PTBP2: variants seen among roughly 807,000 people sequenced by gnomAD.
PTBP2 encodes polypyrimidine tract binding protein 2.
PTBP2 carries 13 observed loss-of-function variants against 61.4 expected under a neutral mutation model. The ratio of observed to expected loss-of-function variants is 0.21; its 90% CI spans 0.14 to 0.34. The LOEUF (loss-of-function observed/expected upper bound fraction) is 0.34, where lower values mean the gene tolerates loss of function less well. Among genes scored for constraint, PTBP2 ranks in the 10% least tolerant of loss-of-function variants. The pLI, the probability that PTBP2 is intolerant of heterozygous loss-of-function variation, is 1.00. For missense variants in PTBP2, 405 were observed against 642.6 expected (o/e 0.63, Z 4.00); for synonymous variants, 215 against 218.5 (o/e 0.98, Z 0.14).
chr1:96,768,510 T>C (rs1657007399), intron 3 of PTBP2, among the ~76,000 whole-genome samples: 1 of 152,048 alleles, frequency 6.6e-6, no homozygotes, highest in Admixed American at 6.6e-5. Flanking sequence ...GTCAAGATCC[T>C]TCATTTTAGC....
At position 96,721,860 on chromosome 1, in the gene PTBP2, C is replaced by G. The variant is rs963306477; in HGVS notation, c.-5C>G. The G allele has an allele frequency of 3.8e-6, 6 of 1,572,240 alleles. No homozygotes were observed. In the South Asian group the frequency reaches 5.8e-5, roughly 15 times the overall value. The stretch of plus-strand genomic sequence containing the variant: ...CTTGTGAGCGAAGCTTTGTCCGGTT[C>G]GGCAATGGACGGGTATGTAATCGGG... On this transcript the variant is annotated 5_prime_UTR_variant, in exon 1 of 14. Coordinates refer to ENST00000674951, the MANE Select transcript of PTBP2 (RefSeq NM_021190.4).
intron 3 of PTBP2, among the ~76,000 whole-genome samples, chr1:96,758,898 A>G (rs1655466454): frequency 6.6e-6 from 1 of 152,186 alleles, no homozygotes; most frequent in African/African-American, 2.4e-5. Flanking sequence ...TTTAAAGTAG[A>G]AGACCTGAAG....
At chr1:96,762,660 C>T (rs187227494) in intron 3 of PTBP2, among the ~76,000 whole-genome samples, 152 of 144,992 alleles carry the variant, frequency 1.0e-3, no homozygotes, top group African/African-American at 3.4e-3. Flanking sequence ...GGCGGCTGGC[C>T]GGGCGGGGGT....
At chr1:96,739,618 G>GGTTTTTTTTTTTTTT (rs1232683663) in intron 2 of PTBP2, among the ~76,000 whole-genome samples, 1 of 83,802 alleles carries the variant, frequency 1.2e-5, no homozygotes, top group Non-Finnish European at 2.2e-5. Context: ...ACTGGTGTGT[G>GGTTTTTTTTTTTTTT]TTTTTTTTTT....
At chr1:96,790,477 G>T (rs1659678844) in intron 8 of PTBP2, among the ~76,000 whole-genome samples, 1 of 151,980 alleles carries the variant, frequency 6.6e-6, no homozygotes, top group African/African-American at 2.4e-5. Flanking sequence ...AATTTCACTA[G>T]TGGGTTGCAA....
At chr1:96,823,398 T>C (rs2101330760) in exon 14 of PTBP2, 1 of 152,330 alleles carries the variant, frequency 6.6e-6, no homozygotes, top group East Asian at 1.9e-4. Context: ...TGAGAATCAC[T>C]AAGATACAAT....
intron 2 of PTBP2, among the ~76,000 whole-genome samples, chr1:96,747,300 AG>A (rs1235787450): frequency 6.6e-6 from 1 of 152,142 alleles, no homozygotes. Context: ...AACAGTTTTT[AG>A]CTTTTCAACT....
intron 8 of PTBP2, among the ~76,000 whole-genome samples, chr1:96,787,728 A>G (rs538445089): frequency 1.3e-5 from 2 of 152,260 alleles, no homozygotes; most frequent in South Asian, 2.1e-4. Flanking sequence ...GTATTTGCAG[A>G]TTTGCATTAT....
At chr1:96,745,817 A>T (rs541340257) in intron 2 of PTBP2, among the ~76,000 whole-genome samples, 4 of 152,110 alleles carry the variant, frequency 2.6e-5, no homozygotes, top group Non-Finnish European at 5.9e-5. Flanking sequence ...TTGTAATCCC[A>T]GCACTTTGGG....
chr1:96,761,346 A>ATGTGTGTGTGTGTGTG lies in PTBP2; in HGVS notation c.116-8329_116-8314dup, dbSNP rs57451223. ...AGCAGGGGCCTAGATGTGGGATTTG[A>ATGTGTGTGTGTGTGTG]TGTGTGTGTGTGTGTGTGTGTGTGT... On this transcript the variant is annotated intron_variant, in intron 3 of 13. Coordinates refer to ENST00000674951, the MANE Select transcript of PTBP2 (RefSeq NM_021190.4). Among the ~76,000 whole-genome samples, 365 of 140,562 alleles carry ATGTGTGTGTGTGTGTG rather than the reference A, an allele frequency of 2.6e-3. 1 individual carries two copies. The highest frequency in any genetic ancestry group is 8.9e-3 in the African/African-American group (337 of 37,956). 92.2% of individuals were successfully genotyped at this position (140,562 alleles called of 152,430 possible).
intron 2 of PTBP2, among the ~76,000 whole-genome samples, chr1:96,746,077 A>C (rs897717859): frequency 9.2e-5 from 14 of 151,924 alleles, no homozygotes; most frequent in African/African-American, 2.9e-4. Context: ...AAAACAAACA[A>C]AAAAAAACAA....
At chr1:96,812,396 A>C (rs1011409900) in intron 11 of PTBP2, among the ~76,000 whole-genome samples, 1 of 152,192 alleles carries the variant, frequency 6.6e-6, no homozygotes, top group African/African-American at 2.4e-5. Context: ...AACAGAAGGG[A>C]GAAAAAGAGC....
rs1326389396 is a variant in PTBP2, at chr1:96,813,507, TG to T, written c.*103del. On this transcript the variant is annotated 3_prime_UTR_variant, in exon 14 of 14. Transcript: ENST00000674951. Reference sequence around the variant, plus strand: ...ACCAGAGTTTGATTTTTTTTGTTTTTGTTTTTTTGGGGTTTCTTTTTTTTTT... The same window carrying T: ...ACCAGAGTTTGATTTTTTTTGTTTTTTTTTTTTGGGGTTTCTTTTTTTTTT... The T allele has an allele frequency of 8.1e-7, 1 of 1,235,312 alleles. No individual in the cohort carries two copies. Among genetic ancestry groups the T allele is most frequent in the Non-Finnish European group, 1.1e-6 (1 of 927,940 alleles). 76.5% of individuals were successfully genotyped at this position (1,235,312 alleles called of 1,614,324 possible).
At chr1:96,792,005 T>A (rs1659893166) in intron 8 of PTBP2, among the ~76,000 whole-genome samples, 1 of 151,790 alleles carries the variant, frequency 6.6e-6, no homozygotes, top group Non-Finnish European at 1.5e-5. Context: ...AGCTAATTTC[T>A]TCATATTTTT....
At chr1:96,804,154 G>T (rs1661286332) in intron 8 of PTBP2, among the ~76,000 whole-genome samples, 1 of 152,186 alleles carries the variant, frequency 6.6e-6, no homozygotes, top group Non-Finnish European at 1.5e-5. Flanking sequence ...GTTGTATAGT[G>T]ATGGTTTCTT....
Position 96,764,951 on chromosome 1 carries a change from G to A in PTBP2, c.116-4752G>A, listed in dbSNP as rs563578088. Among the ~76,000 whole-genome samples, 11 of 152,228 alleles carry A rather than the reference G, an allele frequency of 7.2e-5. 1 individual carries two copies. In the South Asian group the frequency reaches 1.7e-3, roughly 23 times the overall value. ...ACAAGAGTTAATAGTTACCTTTTAC[G>A]GAAACCTGGTGAGGCTTTTTGCGTG... On this transcript the variant is annotated intron_variant, in intron 3 of 13. Coordinates refer to ENST00000674951, the MANE Select transcript of PTBP2 (RefSeq NM_021190.4).
At position 96,815,026 on chromosome 1, in the gene PTBP2, A is replaced by G. The variant is rs527717196; in HGVS notation, c.*1621A>G. ...ACAATTCTATGGCTTTATACCATAA[A>G]TAAATCTAGATGCTGTGAAAATATA... On this transcript the variant is annotated 3_prime_UTR_variant, in exon 14 of 14. Transcript: ENST00000674951. 1 of 152,666 alleles carries G rather than the reference A, an allele frequency of 6.6e-6. No homozygotes were observed. Among genetic ancestry groups the G allele is most frequent in the East Asian group, 1.9e-4 (1 of 5,182 alleles). The allele number at this position is 152,666 out of a possible 1,614,324, so 9.5% of individuals were successfully genotyped here. A position where few individuals can be genotyped will look rare whatever the true frequency, so the allele number is the denominator to read the frequency against.
At chr1:96,726,726 C>T (rs548786787) in intron 2 of PTBP2, among the ~76,000 whole-genome samples, 3 of 152,194 alleles carry the variant, frequency 2.0e-5, no homozygotes, top group East Asian at 3.9e-4. Flanking sequence ...CGTGAGCCAC[C>T]GCGCCTAGCC....
intron 7 of PTBP2, among the ~76,000 whole-genome samples, chr1:96,784,549 G>A (rs1375907242): frequency 6.6e-6 from 1 of 151,710 alleles, no homozygotes; most frequent in East Asian, 1.9e-4. Context: ...TTTCTTTTTT[G>A]CCTCATTTTA....
Sources: gnomAD v4.1 joint callset for allele counts (sites outside exome capture counted in the v4.1 genomes callset) on GRCh38, gnomAD v4.1.1 for gene constraint, MANE v1.5 for transcripts, NCBI Gene and HGNC (gene_info 2026-07-23, HGNC 2026-07-21) for gene names.